ANKRD11: variants seen among roughly 807,000 people sequenced by gnomAD.
ANKRD11 encodes the protein ankyrin repeat domain 11, also known as ankyrin repeat domain-containing protein 11.
Under a neutral mutation model 195.7 loss-of-function variants are expected in ANKRD11, and 17 were observed. That is an observed-to-expected ratio of 0.09 (90% CI 0.06 to 0.13). The LOEUF is 0.13. Ranked by LOEUF, ANKRD11 falls within the 10% of genes least tolerant of loss-of-function variation. The pLI, the probability that ANKRD11 is intolerant of heterozygous loss-of-function variation, is 1.00. For missense variants in ANKRD11, 3,735 were observed against 3,566.1 expected (o/e 1.05, Z -1.21); for synonymous variants, 1,953 against 1,528.1 (o/e 1.28, Z -6.49).
At chr16:89,390,651 A>G (rs1372459318) in intron 2 of ANKRD11, among the ~76,000 whole-genome samples, 2 of 152,172 alleles carry the variant, frequency 1.3e-5, no homozygotes, top group Non-Finnish European at 2.9e-5. Flanking sequence ...AACTAGGTAA[A>G]GAAGAACAGG....
intron 1 of ANKRD11, among the ~76,000 whole-genome samples, chr16:89,454,242 A>T (rs957027242): frequency 6.6e-6 from 1 of 152,066 alleles, no homozygotes; most frequent in African/African-American, 2.4e-5. Context: ...TAGCTTACAG[A>T]CCAAGGCCAC....
At position 89,384,879 on chromosome 16, in the gene ANKRD11, C is replaced by CTTTTTTTTTTTTT. The variant is rs869271846; in HGVS notation, c.-60+33392_-60+33404dup. Among the ~76,000 whole-genome samples the CTTTTTTTTTTTTT allele has an allele frequency of 5.6e-3, 279 of 49,928 alleles. 46 individuals are homozygous for CTTTTTTTTTTTTT. Among genetic ancestry groups the CTTTTTTTTTTTTT allele is most frequent in the South Asian group, 0.015 (13 of 840 alleles). 32.8% of individuals were successfully genotyped at this position (49,928 alleles called of 152,430 possible). On this transcript the variant is annotated intron_variant, in intron 2 of 12. Transcript: ENST00000301030. ...GGAGCACACAATGAGAAATAGTTTT[C>CTTTTTTTTTTTTT]TTTTTTTTTTTTTTTTTTTTTTTTT...
chr16:89,375,403 A>G (rs2040378105), intron 2 of ANKRD11, among the ~76,000 whole-genome samples: 2 of 152,082 alleles, frequency 1.3e-5, no homozygotes, highest in African/African-American at 4.8e-5. Flanking sequence ...GCAGGGCACT[A>G]TGGTCATGCC....
Position 89,283,398 on chromosome 16 carries a change from C to T in ANKRD11, c.3144G>A (p.Lys1048=). ...TAAAACATTTATCAAATTCTTTGTC[C>T]TTCTGACATTTTTCCAGGATTGATT... ...SEKSILEKCQ[K]DKEFDKCFKE... Residue 1048 remains lysine (K), a synonymous_variant, in exon 9 of 13, where the codon AAG becomes AAA. Coordinates refer to ENST00000301030, the MANE Select transcript of ANKRD11 (RefSeq NM_013275.6). This position sits in a 1 kb window ranked among gnomAD's most constrained non-coding sequence, Gnocchi z 4.3. 1 of 1,613,950 alleles carries T rather than the reference C, an allele frequency of 6.2e-7. No individual in the cohort carries two copies. The highest frequency in any genetic ancestry group is 8.5e-7 in the Non-Finnish European group (1 of 1,180,024).
Position 89,401,788 on chromosome 16 carries a change from G to A in ANKRD11, c.-60+16496C>T, listed in dbSNP as rs920516765. On this transcript the variant is annotated intron_variant, in intron 2 of 12. Coordinates refer to ENST00000301030, the MANE Select transcript of ANKRD11 (RefSeq NM_013275.6). ...ACGTGGACACTGAGCTGTGCACGCA[G>A]GGAGAACGCTGGGTGAAGAGGGAGG... is the stretch of plus-strand genomic sequence containing the variant. Among the ~76,000 whole-genome samples, 6 of 152,296 alleles carry A rather than the reference G, an allele frequency of 3.9e-5. No homozygotes were observed. The East Asian group carries it at 1.2e-3, about 29-fold the overall frequency.
intron 1 of ANKRD11, among the ~76,000 whole-genome samples, chr16:89,463,426 T>G (rs2056771224): frequency 1.3e-5 from 2 of 152,160 alleles, no homozygotes; most frequent in African/African-American, 4.8e-5. Context: ...TTAAATGGAT[T>G]AAGGGCGGTG....
chr16:89,291,156 A>G lies in ANKRD11; in HGVS notation c.254T>C (p.Ile85Thr). The change falls in exon 5 of 13, where the codon ATT (isoleucine) becomes ACT (threonine). Residue 85 changes from isoleucine to threonine, a missense_variant. Ile to Thr is a moderately conservative substitution (Grantham distance 89, BLOSUM62 -1). Transcript: ENST00000301030. The surrounding 1 kb of genome is among the most constrained non-coding windows in gnomAD (Gnocchi z 5.3). ...TEKQGPERKR[I>T]KKEPVTRKAG... ...CTTCCGGGTGACAGGCTCCTTCTTA[A>G]TCCTCTTCCGCTCAGGGCCCTGCTT... is the stretch of plus-strand genomic sequence containing the variant. The G allele has an allele frequency of 2.5e-6, 4 of 1,613,776 alleles. No homozygotes were observed. In the South Asian group the frequency reaches 3.3e-5, roughly 13 times the overall value.
intron 1 of ANKRD11, among the ~76,000 whole-genome samples, chr16:89,486,046 T>C (rs868831236): frequency 1.6e-4 from 24 of 152,192 alleles, no homozygotes; most frequent in Non-Finnish European, 1.9e-4. Flanking sequence ...CAGAAAGCAC[T>C]TTCTTCCCAC....
At chr16:89,352,899 G>T (rs764987970) in intron 2 of ANKRD11, among the ~76,000 whole-genome samples, 39 of 152,020 alleles carry the variant, frequency 2.6e-4, no homozygotes, top group Non-Finnish European at 4.7e-4. Flanking sequence ...TCTACTTCAC[G>T]GCATGTTTAA....
At chr16:89,289,571 G>C (rs1301928036) in intron 6 of ANKRD11, among the ~76,000 whole-genome samples, 1 of 152,242 alleles carries the variant, frequency 6.6e-6, no homozygotes, top group Non-Finnish European at 1.5e-5. Context: ...CCAGGACCCA[G>C]CCCTGTGAAG....
At chr16:89,415,440 A>T (rs940964699) in intron 2 of ANKRD11, among the ~76,000 whole-genome samples, 2 of 146,622 alleles carry the variant, frequency 1.4e-5, no homozygotes, top group Admixed American at 6.8e-5. Flanking sequence ...AATTTTTTGT[A>T]TTTTTAGTAG....
chr16:89,399,618 A>G (rs1415449640), intron 2 of ANKRD11, among the ~76,000 whole-genome samples: 1 of 152,036 alleles, frequency 6.6e-6, no homozygotes, highest in Non-Finnish European at 1.5e-5. Context: ...CCAACCATAG[A>G]CTGCACAGCA....
At chr16:89,328,015 A>C (rs1226212595) in intron 2 of ANKRD11, among the ~76,000 whole-genome samples, 2 of 152,262 alleles carry the variant, frequency 1.3e-5, no homozygotes, top group Non-Finnish European at 2.9e-5. Context: ...TAGAAGAAAG[A>C]AGTATCAAAC....
intron 2 of ANKRD11, among the ~76,000 whole-genome samples, chr16:89,346,567 C>A (rs2038953039): frequency 6.6e-6 from 1 of 152,178 alleles, no homozygotes; most frequent in Non-Finnish European, 1.5e-5. Flanking sequence ...AGTGACAGTG[C>A]AGTTCAGATG....
At chr16:89,434,806 T>G (rs1288397841) in intron 1 of ANKRD11, among the ~76,000 whole-genome samples, 1 of 152,160 alleles carries the variant, frequency 6.6e-6, no homozygotes, top group Non-Finnish European at 1.5e-5. Context: ...AAGCACTGGA[T>G]GGAGACGCGG....
At chr16:89,431,758 C>T (rs979380312) in intron 1 of ANKRD11, among the ~76,000 whole-genome samples, 5 of 152,138 alleles carry the variant, frequency 3.3e-5, no homozygotes, top group African/African-American at 9.7e-5. Context: ...ACCCACTGAA[C>T]CCACTGCAAC....
At chr16:89,382,112 G>A (rs1323385686) in intron 2 of ANKRD11, among the ~76,000 whole-genome samples, 3 of 152,166 alleles carry the variant, frequency 2.0e-5, no homozygotes, top group Non-Finnish European at 4.4e-5. Flanking sequence ...CGAGGGGGAC[G>A]CGGCCTCCCA....
rs1207041907 is a variant in ANKRD11, at chr16:89,296,517, GT to G, written c.227-5335del. ...ATAAGCTACATCATCTGCTCACTGG[GT>G]TTTTTATTTCAGTGATTATAGTTTT... On this transcript the variant is annotated intron_variant, in intron 4 of 12. Coordinates refer to ENST00000301030, the MANE Select transcript of ANKRD11 (RefSeq NM_013275.6). 4.6e-5 allele frequency among the ~76,000 whole-genome samples: 7 copies of G among 152,264 alleles called. No individual in the cohort carries two copies. The South Asian group carries it at 1.5e-3, about 32-fold the overall frequency.
intron 1 of ANKRD11, chr16:89,443,391 T>C (rs1367459579): frequency 1.3e-5 from 2 of 152,068 alleles, no homozygotes; most frequent in Non-Finnish European, 2.9e-5. Context: ...TGTGCAATGA[T>C]GACATGCAAA....
Sources: gnomAD v4.1 joint callset for allele counts (sites outside exome capture counted in the v4.1 genomes callset) on GRCh38, gnomAD v4.1.1 for gene constraint, Gnocchi (gnomAD v3.1) non-coding constraint, MANE v1.5 for transcripts, NCBI Gene and HGNC (gene_info 2026-07-23, HGNC 2026-07-21) for gene names.